EIF4E1B: variants seen among roughly 807,000 people sequenced by gnomAD.
The protein encoded by EIF4E1B is eukaryotic translation initiation factor 4E family member 1B, also known as eukaryotic translation initiation factor 4E type 1B.
In EIF4E1B, 22 loss-of-function variants were observed where a neutral mutation model predicts 31.3. That is an observed-to-expected ratio of 0.70 (90% CI 0.50 to 1.00). EIF4E1B has a LOEUF of 1.00. Ranked by LOEUF, EIF4E1B falls within the 50% of genes least tolerant of loss-of-function variation. EIF4E1B has a pLI of 0.00. For missense variants in EIF4E1B, 290 were observed against 311.6 expected, an observed-to-expected ratio of 0.93 and a Z score of 0.52; for synonymous variants, 126 against 120.2, an observed-to-expected ratio of 1.05 and a Z score of -0.31.
At position 176,646,179 on chromosome 5, in the gene EIF4E1B, C is replaced by G; in HGVS notation, c.*199C>G. On this transcript the variant is annotated 3_prime_UTR_variant, in exon 9 of 9. Coordinates refer to ENST00000318682, the MANE Select transcript of EIF4E1B (RefSeq NM_001099408.2). ...GGGGTAGTGGTGGCAGTCTGAGGAC[C>G]TAGCTTGTCCTGGGGCCACAGGACA... 1.8e-6 allele frequency: 1 copy of G among 544,634 alleles called. No homozygotes were observed. The highest frequency in any genetic ancestry group is 3.3e-6 in the Non-Finnish European group (1 of 300,878). 33.7% of individuals were successfully genotyped at this position (544,634 alleles called of 1,614,324 possible). A position where few individuals can be genotyped will look rare whatever the true frequency, so the allele number is the denominator to read the frequency against.
chr5:176,634,238 A>G (rs988479138), intron 1 of EIF4E1B, among the ~76,000 whole-genome samples: 6 of 152,156 alleles, frequency 3.9e-5, no homozygotes, highest in African/African-American at 1.4e-4. Flanking sequence ...CTGAGCCCAG[A>G]GCTCAGGAAA....
intron 1 of EIF4E1B, among the ~76,000 whole-genome samples, chr5:176,633,739 C>A (rs140673794): frequency 6.6e-6 from 1 of 151,926 alleles, no homozygotes; most frequent in Non-Finnish European, 1.5e-5. Context: ...GATGGAGGAG[C>A]GGGGAGAAGG....
chr5:176,646,157 G>A lies in EIF4E1B; in HGVS notation c.*177G>A, dbSNP rs930900818. 2 of 590,168 alleles carry A rather than the reference G, an allele frequency of 3.4e-6. No individual in the cohort carries two copies. The highest frequency in any genetic ancestry group is 1.9e-5 in the African/African-American group (1 of 53,786). The allele number at this position is 590,168 out of a possible 1,614,324, so 36.6% of individuals were successfully genotyped here. On this transcript the variant is annotated 3_prime_UTR_variant, in exon 9 of 9. Transcript: ENST00000318682. ...CCTGAGCCTTAGGGGCTAGATGGGG[G>A]TAGTGGTGGCAGTCTGAGGACCTAG...
At chr5:176,640,604 T>G (rs1760557510) in intron 1 of EIF4E1B, among the ~76,000 whole-genome samples, 1 of 152,206 alleles carries the variant, frequency 6.6e-6, no homozygotes, top group Non-Finnish European at 1.5e-5. Flanking sequence ...TACATTAGCA[T>G]CCTAGTCAGT....
rs926339788 is a variant in EIF4E1B at position 176,644,400 on chromosome 5, C to T, written c.321C>T (p.Ala107=). The change falls in exon 6 of 9, where the codon GCC becomes GCT. Residue 107 remains alanine, a synonymous_variant. Coordinates refer to ENST00000318682, the MANE Select transcript of EIF4E1B (RefSeq NM_001099408.2). The part of the protein sequence containing the change: ...FWALYSHIQL[A]SKLSSGCDYA... ...GGCTATACAGTCACATCCAGCTGGC[C>T]AGCAAGCTCTCCTCTGGCTGTGACT... 5.6e-6 allele frequency: 9 copies of T among 1,595,638 alleles called. No individual in the cohort carries two copies. The highest frequency in any genetic ancestry group is 7.7e-6 in the Non-Finnish European group (9 of 1,170,948).
chr5:176,643,577 G>A, intron 4 of EIF4E1B, 62 bp from the exon 5 acceptor site: 1 of 1,503,752 alleles, frequency 6.7e-7, no homozygotes, highest in South Asian at 1.2e-5. Flanking sequence ...GTCAGTCCAG[G>A]TGCCCCGGGG....
intron 1 of EIF4E1B, among the ~76,000 whole-genome samples, chr5:176,631,624 G>A (rs1182163877): frequency 6.7e-6 from 1 of 150,222 alleles, no homozygotes; most frequent in African/African-American, 2.5e-5. Flanking sequence ...GTAATTAGGC[G>A]AGGGGGCCAC....
At position 176,645,192 on chromosome 5, in the gene EIF4E1B, C is replaced by T; in HGVS notation, c.423C>T (p.Ser141=). ...AACGGGGTGGCCGCTGGCTGGTCAGCCTGGCCAAGCAGCAGCGCCACATTG... is the reference window on the plus strand; with the variant it reads ...AACGGGGTGGCCGCTGGCTGGTCAGTCTGGCCAAGCAGCAGCGCCACATTG... ...RNKRGGRWLV[S]LAKQQRHIEL... is the part of the protein sequence containing the mutation. The change falls in exon 7 of 9, where the codon AGC becomes AGT. Residue 141 remains serine (S), a synonymous_variant. Coordinates refer to ENST00000318682, the MANE Select transcript of EIF4E1B (RefSeq NM_001099408.2). This position sits in a 1 kb window ranked among gnomAD's most constrained non-coding sequence, Gnocchi z 5.4. 6.3e-7 allele frequency: 1 copy of T among 1,584,904 alleles called. No individual in the cohort carries two copies. The highest frequency in any genetic ancestry group is 1.8e-5 in the Admixed American group (1 of 54,936).
chr5:176,632,883 A>T (rs1451734614), intron 1 of EIF4E1B, among the ~76,000 whole-genome samples: 1 of 151,512 alleles, frequency 6.6e-6, no homozygotes, highest in Non-Finnish European at 1.5e-5. Flanking sequence ...CAGCCAGGAC[A>T]TGTGACTGAC....
chr5:176,643,963 G>A (rs557443777), intron 5 of EIF4E1B: 35 of 586,342 alleles, frequency 6.0e-5, no homozygotes, highest in African/African-American at 5.0e-4. Flanking sequence ...ACCTTGACTC[G>A]GCCACTCCAG....
rs1393997452 is a variant in EIF4E1B at position 176,639,206 on chromosome 5, G to A, written c.-201-2837G>A. On this transcript the variant is annotated intron_variant, in intron 1 of 8. Coordinates refer to ENST00000318682, the MANE Select transcript of EIF4E1B (RefSeq NM_001099408.2). ...GAAAGCAGGAGTGGAAGCAAGTGGA[G>A]TGTCAGGAAATACACAGCAGCCAAG... is the stretch of plus-strand genomic sequence containing the variant. Among the ~76,000 whole-genome samples, 4 of 152,348 alleles carry A rather than the reference G, an allele frequency of 2.6e-5. No individual in the cohort carries two copies. The East Asian group carries it at 7.7e-4, about 29-fold the overall frequency.
chr5:176,631,677 A>G (rs1760390561), intron 1 of EIF4E1B, among the ~76,000 whole-genome samples: 1 of 151,926 alleles, frequency 6.6e-6, no homozygotes, highest in Admixed American at 6.6e-5. Context: ...AAAAAACCCA[A>G]CCAACCAAAC....
intron 2 of EIF4E1B, 35 bp from the exon 3 acceptor site, chr5:176,642,675 T>C: frequency 6.7e-7 from 1 of 1,497,984 alleles, no homozygotes; most frequent in Non-Finnish European, 9.0e-7. Flanking sequence ...TGCTTTCCCT[T>C]CGAGCAGGCT....
At position 176,642,803 on chromosome 5, in the gene EIF4E1B, G is replaced by A. The variant is rs868741478; in HGVS notation, c.15+1G>A. ...CACTCACTAAATGCTTGCTGTTGAGGTAATCAGCCTGGCCTCTCTACCCCC... is the reference window on the plus strand; with the variant it reads ...CACTCACTAAATGCTTGCTGTTGAGATAATCAGCCTGGCCTCTCTACCCCC... On this transcript the variant is annotated splice_donor_variant, in intron 3 of 8. Coordinates refer to ENST00000318682, the MANE Select transcript of EIF4E1B (RefSeq NM_001099408.2). LOFTEE classifies it high-confidence loss of function. The A allele has an allele frequency of 1.9e-6, 3 of 1,545,140 alleles. No homozygotes were observed. Among genetic ancestry groups the A allele is most frequent in the Admixed American group, 4.0e-5 (2 of 50,468 alleles).
chr5:176,642,639 G>T, intron 2 of EIF4E1B, 71 bp from the exon 3 acceptor site: 1 of 1,320,968 alleles, frequency 7.6e-7, no homozygotes, highest in African/African-American at 1.5e-5. Flanking sequence ...CACATTCTGG[G>T]GTCACCCTCC....
chr5:176,645,814 C>A lies in EIF4E1B; in HGVS notation c.615-52C>A. ...CTGGTGGCCTAAGTTATCTCTAGGA[C>A]CCTCTGATGACTACCTGTGTCTCTT... is the stretch of plus-strand genomic sequence containing the variant. On this transcript the variant is annotated intron_variant, in intron 8 of 8. Transcript: ENST00000318682. The surrounding 1 kb of genome is among the most constrained non-coding windows in gnomAD (Gnocchi z 5.4). The A allele has an allele frequency of 6.8e-7, 1 of 1,462,268 alleles. No individual in the cohort carries two copies. The allele number at this position is 1,462,268 out of a possible 1,614,324, so 90.6% of individuals were successfully genotyped here. A position where few individuals can be genotyped will look rare whatever the true frequency, so the allele number is the denominator to read the frequency against.
chr5:176,643,857 T>A, intron 5 of EIF4E1B, 123 bp downstream of exon 5: 1 of 1,051,960 alleles, frequency 9.5e-7, no homozygotes, highest in East Asian at 2.6e-5. Flanking sequence ...GCTTTGTGGG[T>A]TCTGCCCAGG....
rs1561911399 is a variant in EIF4E1B, at chr5:176,645,034, G to A, written c.361-96G>A. On this transcript the variant is annotated intron_variant, in intron 6 of 8. Coordinates refer to ENST00000318682, the MANE Select transcript of EIF4E1B (RefSeq NM_001099408.2). This position sits in a 1 kb window ranked among gnomAD's most constrained non-coding sequence, Gnocchi z 5.4. ...AGGATAAGAGAATCTGGCCTACTTA[G>A]GGCCTCAGCAGAGAGCGGATAAGGC... is the stretch of plus-strand genomic sequence containing the variant. The A allele has an allele frequency of 9.1e-7, 1 of 1,101,768 alleles. No individual in the cohort carries two copies. The allele number at this position is 1,101,768 out of a possible 1,614,324, so 68.2% of individuals were successfully genotyped here.
intron 4 of EIF4E1B, 96 bp from the exon 5 acceptor site, chr5:176,643,543 C>T: frequency 8.3e-7 from 1 of 1,208,704 alleles, no homozygotes; most frequent in Non-Finnish European, 1.2e-6. Context: ...TCCCAGTTCG[C>T]CCTTGAAGGG....
Sources: gnomAD v4.1 joint callset for allele counts (sites outside exome capture counted in the v4.1 genomes callset) on GRCh38, gnomAD v4.1.1 for gene constraint, Gnocchi (gnomAD v3.1) non-coding constraint, MANE v1.5 for transcripts, NCBI Gene and HGNC (gene_info 2026-07-23, HGNC 2026-07-21) for gene names.